MYO1E: variants seen among roughly 807,000 people sequenced by gnomAD.
MYO1E encodes the protein unconventional myosin-Ie.
A neutral mutation model predicts 151.1 loss-of-function variants in MYO1E; 68 were observed. The ratio of observed to expected loss-of-function variants is 0.45; its 90% confidence interval spans 0.37 to 0.55. MYO1E has a LOEUF of 0.55. Among genes scored for constraint, MYO1E ranks in the 20% least tolerant of loss-of-function variants. The pLI is 0.00. For synonymous variants in MYO1E, 601 were observed against 501.7 expected, an observed-to-expected ratio of 1.20 and a Z score of -2.64; for missense variants, 1,363 against 1,389.3, an observed-to-expected ratio of 0.98 and a Z score of 0.30.
chr15:59,310,301 T>C (rs1045105639), intron 1 of MYO1E, among the ~76,000 whole-genome samples: 4 of 152,130 alleles, frequency 2.6e-5, no homozygotes, highest in Non-Finnish European at 5.9e-5. Flanking sequence ...CTGTGTTGCC[T>C]CCAAAAAAGA....
At chr15:59,230,443 T>C (rs2080021525) in intron 6 of MYO1E, among the ~76,000 whole-genome samples, 1 of 152,068 alleles carries the variant, frequency 6.6e-6, no homozygotes, top group African/African-American at 2.4e-5. Context: ...TTTTTTTTTC[T>C]GGTCTCCAAG....
intron 5 of MYO1E, among the ~76,000 whole-genome samples, chr15:59,232,853 G>C (rs1225556396): frequency 6.6e-6 from 1 of 152,046 alleles, no homozygotes; most frequent in African/African-American, 2.4e-5. Context: ...TGTTACAAAG[G>C]GTGTAACAGG....
chr15:59,215,313 T>C (rs1033394728), intron 10 of MYO1E, among the ~76,000 whole-genome samples: 8 of 152,224 alleles, frequency 5.3e-5, no homozygotes, highest in African/African-American at 1.9e-4. Context: ...TCTCAATGTG[T>C]TGTTTCACTT....
Position 59,216,093 on chromosome 15 carries a change from C to T in MYO1E, c.1108-1373G>A, listed in dbSNP as rs541428397. Among the ~76,000 whole-genome samples, 124 of 152,332 alleles carry T rather than the reference C, an allele frequency of 8.1e-4. 2 individuals are homozygous for T. Among genetic ancestry groups the T allele is most frequent in the African/African-American group, 2.8e-3 (118 of 41,578 alleles). ...CCTGACCCTACTCTAACCACACTAA[C>T]CATACCTTAAGCCGTATAAATGTTA... On this transcript the variant is annotated intron_variant, in intron 10 of 27. Transcript: ENST00000288235.
chr15:59,291,168 A>G (rs1741111674), intron 1 of MYO1E, among the ~76,000 whole-genome samples: 1 of 152,240 alleles, frequency 6.6e-6, no homozygotes, highest in South Asian at 2.1e-4. Context: ...GATTTGTACG[A>G]TACTCTGTTC....
At chr15:59,303,420 T>C (rs1360783813) in intron 1 of MYO1E, among the ~76,000 whole-genome samples, 5 of 151,876 alleles carry the variant, frequency 3.3e-5, no homozygotes, top group Non-Finnish European at 7.4e-5. Flanking sequence ...TCCTAGCTAC[T>C]GAGGAGGCTG....
At chr15:59,259,488 T>C (rs1289585564) in intron 3 of MYO1E, among the ~76,000 whole-genome samples, 3 of 152,072 alleles carry the variant, frequency 2.0e-5, no homozygotes, top group Non-Finnish European at 4.4e-5. Context: ...TAGGTGAGAG[T>C]GTCACCAAAA....
At chr15:59,205,349 A>T in intron 15 of MYO1E, 51 bp downstream of exon 15, 1 of 1,568,346 alleles carries the variant, frequency 6.4e-7, no homozygotes, top group Non-Finnish European at 8.8e-7. Context: ...TTTCATATTG[A>T]AAATTTCATC....
At chr15:59,259,455 C>T (rs2080212902) in intron 3 of MYO1E, among the ~76,000 whole-genome samples, 1 of 152,042 alleles carries the variant, frequency 6.6e-6, no homozygotes, top group Non-Finnish European at 1.5e-5. Context: ...TAAAAATTCC[C>T]CTCTTTAGGT....
At chr15:59,319,409 T>A (rs781715055) in intron 1 of MYO1E, among the ~76,000 whole-genome samples, 1 of 152,078 alleles carries the variant, frequency 6.6e-6, no homozygotes, top group African/African-American at 2.4e-5. Flanking sequence ...ATTTTATAAT[T>A]ATTATAAAAT....
intron 1 of MYO1E, among the ~76,000 whole-genome samples, chr15:59,286,430 CTCTG>C (rs1432920091): frequency 1.3e-5 from 2 of 152,160 alleles, no homozygotes; most frequent in African/African-American, 4.8e-5. Flanking sequence ...ATTTTCTCAT[CTCTG>C]TCTTTTAAAA....
intron 4 of MYO1E, among the ~76,000 whole-genome samples, chr15:59,240,902 G>T (rs1215835555): frequency 2.6e-5 from 4 of 152,238 alleles, no homozygotes; most frequent in African/African-American, 7.2e-5. Flanking sequence ...TTAAGCCGAA[G>T]GCCAGAATGA....
At chr15:59,273,175 G>T (rs2080297946) in intron 1 of MYO1E, among the ~76,000 whole-genome samples, 1 of 152,166 alleles carries the variant, frequency 6.6e-6, no homozygotes, top group Non-Finnish European at 1.5e-5. Context: ...TGGCCCCCTT[G>T]GGTAGATGAA....
chr15:59,162,018 T>C lies in MYO1E; in HGVS notation c.2628-788A>G, dbSNP rs565035502. Among the ~76,000 whole-genome samples the C allele has an allele frequency of 1.7e-4, 26 of 152,244 alleles. No individual in the cohort carries two copies. The South Asian group carries it at 4.8e-3, about 28-fold the overall frequency. On this transcript the variant is annotated intron_variant, in intron 23 of 27. Coordinates refer to ENST00000288235, the MANE Select transcript of MYO1E (RefSeq NM_004998.4). The stretch of plus-strand genomic sequence containing the variant: ...ATTCCCATTTTATAGATGGGGAAAT[T>C]TAAAAAGAAAAGCTAAATAACTTTC...
At chr15:59,231,278 T>G (rs2140354704) in intron 6 of MYO1E, among the ~76,000 whole-genome samples, 1 of 152,278 alleles carries the variant, frequency 6.6e-6, no homozygotes, top group East Asian at 1.9e-4. Flanking sequence ...TCAGTCTAAC[T>G]CTGTGCACCC....
At chr15:59,230,253 T>TGC (rs1555412973) in intron 6 of MYO1E, among the ~76,000 whole-genome samples, 4 of 151,086 alleles carry the variant, frequency 2.6e-5, no homozygotes, top group Non-Finnish European at 5.9e-5. Context: ...TGTGTGTGTG[T>TGC]GCAGGTGAAT....
chr15:59,207,003 C>T (rs1489471087), intron 14 of MYO1E: 22 of 1,614,026 alleles, frequency 1.4e-5, no homozygotes, highest in Non-Finnish European at 1.7e-5. Context: ...GAGCGAATTT[C>T]CTATGCCTGG....
Position 59,208,686 on chromosome 15 carries a change from C to A in MYO1E, c.1525G>T (p.Gly509Trp). Residue 509 changes from glycine to tryptophan, a missense_variant, in exon 14 of 28, where the codon GGG becomes TGG. Transcript: ENST00000288235. ...AAAATGGATATTGGCCATACCTTCC[C>A]AGCATAATGATGAATGATGAAGCCT... Reference protein sequence around the residue: ...NQGFIIHHYAGKVSYDMDGFC... With the variant: ...NQGFIIHHYAWKVSYDMDGFC... 1 of 1,614,208 alleles carries A rather than the reference C, an allele frequency of 6.2e-7. No homozygotes were observed. The highest frequency in any genetic ancestry group is 8.5e-7 in the Non-Finnish European group (1 of 1,180,028).
intron 1 of MYO1E, among the ~76,000 whole-genome samples, chr15:59,341,961 G>A (rs1442037985): frequency 2.6e-5 from 4 of 152,086 alleles, no homozygotes; most frequent in Non-Finnish European, 5.9e-5. Flanking sequence ...CTCCACAGTG[G>A]CTATACTCAT....
Sources: gnomAD v4.1 joint callset for allele counts (sites outside exome capture counted in the v4.1 genomes callset) on GRCh38, gnomAD v4.1.1 for gene constraint, MANE v1.5 for transcripts, NCBI Gene and HGNC (gene_info 2026-07-23, HGNC 2026-07-21) for gene names.